INTS6: variants seen among roughly 807,000 people sequenced by gnomAD.
INTS6 encodes the protein DEAD box protein.
Under a neutral mutation model 104.9 loss-of-function variants are expected in INTS6, and 16 were observed. The observed-to-expected ratio is 0.15, with a 90% CI of 0.10 to 0.23. The LOEUF (loss-of-function observed/expected upper bound fraction) is 0.23, where lower values mean the gene tolerates loss of function less well. INTS6 is among the 10% of genes least tolerant of loss of function. The probability of loss-of-function intolerance (pLI) is 1.00; values close to 1 mark genes in which losing one functional copy is unlikely to be tolerated. For missense variants in INTS6, 584 were observed against 1,062.8 expected (o/e 0.55, Z 6.26); for synonymous variants, 324 against 358.7 (o/e 0.90, Z 1.09).
intron 5 of INTS6, among the ~76,000 whole-genome samples, chr13:51,393,477 T>C (rs1956281958): frequency 6.6e-6 from 1 of 152,234 alleles, no homozygotes; most frequent in Admixed American, 6.5e-5. Flanking sequence ...TTTCTACTTT[T>C]CTGGTGTTCC....
downstream of INTS6, among the ~76,000 whole-genome samples, chr13:51,360,089 A>G (rs1303331929): frequency 2.6e-5 from 4 of 152,040 alleles, no homozygotes; most frequent in Non-Finnish European, 5.9e-5. Flanking sequence ...GGAATGCCGC[A>G]TATTCTTTAT....
Position 51,364,276 on chromosome 13 carries a change from A to G in INTS6, c.*1476T>C, listed in dbSNP as rs780803116. The stretch of plus-strand genomic sequence containing the variant: ...GTATTGGGAGAGTTTCAAATCCCCT[A>G]GACTAAATGCATGTTCTCCACTTTC... On this transcript the variant is annotated 3_prime_UTR_variant, in exon 18 of 18. Coordinates refer to ENST00000311234, the MANE Select transcript of INTS6 (RefSeq NM_012141.3). The G allele has an allele frequency of 3.2e-5, 47 of 1,472,904 alleles. No homozygotes were observed. The highest frequency in any genetic ancestry group is 4.0e-5 in the Non-Finnish European group (44 of 1,096,698). The allele number at this position is 1,472,904 out of a possible 1,614,324, so 91.2% of individuals were successfully genotyped here.
intron 3 of INTS6, among the ~76,000 whole-genome samples, chr13:51,435,058 C>T (rs943346095): frequency 9.9e-5 from 15 of 151,736 alleles, no homozygotes; most frequent in Non-Finnish European, 8.8e-5. Flanking sequence ...GGAGACAATC[C>T]TTTAGAAGTT....
At chr13:51,442,842 G>A (rs1385388786) in intron 3 of INTS6, 5 of 152,206 alleles carry the variant, frequency 3.3e-5, no homozygotes, top group Non-Finnish European at 4.4e-5. Flanking sequence ...CACAAAACCA[G>A]CCTGGTGCCA....
chr13:51,427,287 A>C (rs1436665102), intron 4 of INTS6, among the ~76,000 whole-genome samples: 1 of 152,176 alleles, frequency 6.6e-6, no homozygotes, highest in Non-Finnish European at 1.5e-5. Flanking sequence ...AAAAAGAATC[A>C]AGTTCTGCCA....
chr13:51,375,644 C>T (rs1955907453), intron 13 of INTS6, among the ~76,000 whole-genome samples: 1 of 151,812 alleles, frequency 6.6e-6, no homozygotes, highest in African/African-American at 2.4e-5. Flanking sequence ...ACTGGCCATC[C>T]AGAGTTAAAC....
At chr13:51,370,908 C>T (rs1442661146) in intron 15 of INTS6, among the ~76,000 whole-genome samples, 1 of 152,118 alleles carries the variant, frequency 6.6e-6, no homozygotes, top group Non-Finnish European at 1.5e-5. Flanking sequence ...TTCCCTAGCT[C>T]AGAACTCCCA....
At chr13:51,451,322 A>G in intron 2 of INTS6, 148 bp from the exon 3 acceptor site, 1 of 484,988 alleles carries the variant, frequency 2.1e-6, no homozygotes, top group Middle Eastern at 5.5e-4. Flanking sequence ...TGCTGAGGAA[A>G]CTCTCTTCCA....
At chr13:51,430,773 T>A (rs1957076090) in intron 3 of INTS6, among the ~76,000 whole-genome samples, 1 of 152,158 alleles carries the variant, frequency 6.6e-6, no homozygotes, top group Non-Finnish European at 1.5e-5. Flanking sequence ...CTGAGAAACT[T>A]TCTTAAAAAG....
At chr13:51,439,582 T>A (rs61956954) in intron 3 of INTS6, 16 of 152,352 alleles carry the variant, frequency 1.1e-4, no homozygotes, top group African/African-American at 3.8e-4. Context: ...AAAGGAATTA[T>A]ATATTTTACA....
At chr13:51,371,646 T>C (rs1191363401) in intron 15 of INTS6, among the ~76,000 whole-genome samples, 1 of 151,952 alleles carries the variant, frequency 6.6e-6, no homozygotes, top group Non-Finnish European at 1.5e-5. Flanking sequence ...ACAATCACCA[T>C]CTCTACTTGG....
chr13:51,411,040 C>T (rs976230330), intron 4 of INTS6, among the ~76,000 whole-genome samples: 1 of 150,850 alleles, frequency 6.6e-6, no homozygotes, highest in African/African-American at 2.4e-5. Flanking sequence ...AGTGAAACCC[C>T]GTCTCTACTA....
At position 51,452,756 on chromosome 13, in the gene INTS6, G is replaced by T; in HGVS notation, c.-231C>A. ...CGTACCCCCGCCTCCGCCTCCTCCT[G>T]CCTGCCTGCCCGCTGGGGCGGGCGC... On this transcript the variant is annotated 5_prime_UTR_variant, in exon 1 of 18. Transcript: ENST00000311234. The surrounding 1 kb of genome is among the most constrained non-coding windows in gnomAD (Gnocchi z 4.2). 2 of 1,232,898 alleles carry T rather than the reference G, an allele frequency of 1.6e-6. No homozygotes were observed. Among genetic ancestry groups the T allele is most frequent in the Non-Finnish European group, 2.0e-6 (2 of 982,320 alleles). The allele number at this position is 1,232,898 out of a possible 1,614,324, so 76.4% of individuals were successfully genotyped here.
At chr13:51,422,515 C>T (rs1956913556) in intron 4 of INTS6, among the ~76,000 whole-genome samples, 1 of 152,172 alleles carries the variant, frequency 6.6e-6, no homozygotes. Flanking sequence ...GCCTAGCTTA[C>T]CTACCGAACC....
chr13:51,423,063 C>T (rs9568593), intron 4 of INTS6: 33,063 of 1,280,592 alleles, frequency 0.026, 530 homozygotes, highest in South Asian at 0.048. Flanking sequence ...TCTAGCCTTG[C>T]TTAATTCCAT....
At chr13:51,390,571 T>C (rs1399615149) in intron 5 of INTS6, among the ~76,000 whole-genome samples, 1 of 152,048 alleles carries the variant, frequency 6.6e-6, no homozygotes, top group Non-Finnish European at 1.5e-5. Context: ...CTCAATATGA[T>C]GCCCTACTCT....
chr13:51,347,123 A>T, the INTS6 span: 2 of 1,613,382 alleles, frequency 1.2e-6, no homozygotes, highest in Non-Finnish European at 1.7e-6. Context: ...CTTCCAAGGC[A>T]CTTGGCGAAA....
intron 6 of INTS6, among the ~76,000 whole-genome samples, chr13:51,388,383 G>GTTT (rs1956180819): frequency 6.7e-6 from 1 of 148,810 alleles, no homozygotes; most frequent in South Asian, 2.1e-4. Context: ...GTTTTTTTTT[G>GTTT]TTTTTGTTTT....
At chr13:51,386,490 A>G (rs945561891) in intron 7 of INTS6, among the ~76,000 whole-genome samples, 5 of 152,206 alleles carry the variant, frequency 3.3e-5, no homozygotes, top group Non-Finnish European at 7.4e-5. Context: ...AGATACTTCA[A>G]TGAAATTTAG....
Sources: allele counts gnomAD v4.1 joint callset (sites outside exome capture counted in the v4.1 genomes callset), GRCh38; gene constraint gnomAD v4.1.1; non-coding constraint Gnocchi (gnomAD v3.1); transcripts MANE v1.5; gene names NCBI Gene and HGNC (gene_info 2026-07-23, HGNC 2026-07-21).